The following VSIG10L2 variants were observed in gnomAD, a reference collection of about 807,000 sequenced individuals.
VSIG10L2 encodes the protein V-set and immunoglobulin domain-containing protein 10-like 2.
A neutral mutation model predicts 67.1 loss-of-function variants in VSIG10L2; 56 were observed. The observed-to-expected ratio is 0.83, with a 90% confidence interval of 0.67 to 1.04. VSIG10L2 has a LOEUF of 1.04. VSIG10L2 is among the 50% of genes least tolerant of loss of function. The pLI, the probability that VSIG10L2 is intolerant of heterozygous loss-of-function variation, is 0.00. For synonymous variants in VSIG10L2, 360 were observed against 396.6 expected (o/e 0.91, Z 1.10); for missense variants, 843 against 932.8 (o/e 0.90, Z 1.25).
At chr11:125,952,493 A>G (rs1945391266) in intron 6 of VSIG10L2, among the ~76,000 whole-genome samples, 1 of 152,232 alleles carries the variant, frequency 6.6e-6, no homozygotes, top group East Asian at 1.9e-4. Flanking sequence ...CAATTACTGC[A>G]CATCTCAATC....
intron 9 of VSIG10L2, 129 bp downstream of exon 9, chr11:125,955,308 C>A: frequency 1.6e-6 from 2 of 1,282,818 alleles, no homozygotes; most frequent in Non-Finnish European, 2.0e-6. Context: ...AGACCCTCTC[C>A]CCAGTGCTAG....
intron 4 of VSIG10L2, 150 bp downstream of exon 4, chr11:125,950,439 G>A: frequency 1.2e-6 from 1 of 801,578 alleles, no homozygotes; most frequent in Non-Finnish European, 1.7e-6. Flanking sequence ...CCAACCAAGT[G>A]GAGTTGGAGG....
In VSIG10L2 at chr11:125,950,138, T is replaced by C. The variant is rs1051085130; in HGVS notation, c.834T>C (p.Tyr278=). The C allele has an allele frequency of 1.6e-5, 20 of 1,232,226 alleles. No homozygotes were observed. The East Asian group carries it at 4.7e-4, about 29-fold the overall frequency. 76.3% of individuals were successfully genotyped at this position (1,232,226 alleles called of 1,614,324 possible). A position where few individuals can be genotyped will look rare whatever the true frequency, so the allele number is the denominator to read the frequency against. ...CTGCCTCCAACCCACCTAGTCACTA[T>C]GTGTGGCTCCGTGACCACACGCAAG... ...CLAASNPPSH[Y]VWLRDHTQVH... The change falls in exon 4 of 12, where the codon TAT becomes TAC. Residue 278 remains tyrosine, a synonymous_variant. Transcript: ENST00000686984.
intron 1 of VSIG10L2, chr11:125,947,280 G>A (rs545755569): frequency 4.5e-5 from 13 of 290,590 alleles, no homozygotes; most frequent in African/African-American, 1.6e-4. Context: ...CCATCGTCAC[G>A]GGACTGATCA....
intron 3 of VSIG10L2, among the ~76,000 whole-genome samples, chr11:125,948,912 C>T (rs1041759511): frequency 6.6e-6 from 1 of 152,226 alleles, no homozygotes; most frequent in African/African-American, 2.4e-5. Flanking sequence ...ACCAACAGGA[C>T]CCCAGGAGAC....
rs2134305091 is a variant in VSIG10L2, at chr11:125,951,819, C to T, written c.1241C>T (p.Pro414Leu). The T allele has an allele frequency of 2.0e-6, 3 of 1,500,724 alleles. No homozygotes were observed. The highest frequency in any genetic ancestry group is 2.2e-4 in the Middle Eastern group (1 of 4,492). 93.0% of individuals were successfully genotyped at this position (1,500,724 alleles called of 1,614,324 possible). The change falls in exon 6 of 12, where the codon CCT becomes CTT. Residue 414 changes from proline to leucine, a missense_variant. Pro to Leu is a moderately conservative substitution (Grantham distance 98, BLOSUM62 -3). Coordinates refer to ENST00000686984, the MANE Select transcript of VSIG10L2 (RefSeq NM_001365077.2). ...PALCTVMLWE[P>L]LGRPTCWSTA... ...GAGCCATCATTCCTTCCAGGGGAGC[C>T]TCTCGGGAGGCCTACCTGCTGGAGC...
chr11:125,952,812 C>T (rs2155803), intron 6 of VSIG10L2, among the ~76,000 whole-genome samples: 40,645 of 152,168 alleles, frequency 0.27, 5,613 homozygotes, highest in Non-Finnish European at 0.3. Flanking sequence ...AGCTGTCACA[C>T]ACAACAGTTC....
rs1409781399 is a variant in VSIG10L2, at chr11:125,952,969, T to C, written c.1496-431T>C. Among the ~76,000 whole-genome samples the C allele has an allele frequency of 2.6e-5, 4 of 152,166 alleles. No individual in the cohort carries two copies. In the East Asian group the frequency reaches 7.7e-4, roughly 29 times the overall value. On this transcript the variant is annotated intron_variant, in intron 6 of 11. Coordinates refer to ENST00000686984, the MANE Select transcript of VSIG10L2 (RefSeq NM_001365077.2). Reference sequence around the variant, plus strand: ...CCATCGTAGGAGATTCATTGACACCTGAGAGTCTGGGTCTTTAATAAGTCA... The same window carrying C: ...CCATCGTAGGAGATTCATTGACACCCGAGAGTCTGGGTCTTTAATAAGTCA...
intron 7 of VSIG10L2, 25 bp downstream of exon 7, chr11:125,953,715 G>A (rs1167050912): frequency 2.4e-6 from 3 of 1,232,002 alleles, no homozygotes; most frequent in African/African-American, 1.6e-5. Context: ...GAATGCGTGT[G>A]TGTGGTGAGG....
At chr11:125,947,659 G>A in intron 1 of VSIG10L2, 27 bp from the exon 2 acceptor site, 3 of 1,232,392 alleles carry the variant, frequency 2.4e-6, no homozygotes, top group Non-Finnish European at 3.0e-6. Context: ...CAGCCCAGAA[G>A]TCCTGCTATG....
At chr11:125,954,469 C>A in intron 8 of VSIG10L2, 86 bp downstream of exon 8, 1 of 1,126,206 alleles carries the variant, frequency 8.9e-7, no homozygotes, top group Non-Finnish European at 1.1e-6. Context: ...GCATCCCCTC[C>A]TCTCTTCCTT....
At position 125,954,246 on chromosome 11, in the gene VSIG10L2, A is replaced by C; in HGVS notation, c.1946A>C (p.Glu649Ala). The change falls in exon 8 of 12, where the codon GAG becomes GCG. Residue 649 changes from glutamate to alanine, a missense_variant. By Grantham distance (107) the Glu-to-Ala change is moderately radical (BLOSUM62 -1). This residue lies in a region of VSIG10L2 where 397 missense variants were observed against 384.4 expected (regional missense o/e 1.03). Coordinates refer to ENST00000686984, the MANE Select transcript of VSIG10L2 (RefSeq NM_001365077.2). ...CTGGGCCCAGGAGCTGGGGCGTGGG[A>C]GACAGCAGCTAGTGACATCGAGCCA... is the stretch of plus-strand genomic sequence containing the variant. ...SALGPGAGAWETAASDIEPES... is the reference protein window; with the variant it reads ...SALGPGAGAWATAASDIEPES... 8.1e-7 allele frequency: 1 copy of C among 1,232,196 alleles called. No homozygotes were observed. Among genetic ancestry groups the C allele is most frequent in the Non-Finnish European group, 1.0e-6 (1 of 988,038 alleles). The allele number at this position is 1,232,196 out of a possible 1,614,324, so 76.3% of individuals were successfully genotyped here. A position where few individuals can be genotyped will look rare whatever the true frequency, so the allele number is the denominator to read the frequency against.
At position 125,947,119 on chromosome 11, in the gene VSIG10L2, A is replaced by C. The variant is rs117762546; in HGVS notation, c.83-567A>C. 3.8e-3 allele frequency among the ~76,000 whole-genome samples: 581 copies of C among 152,188 alleles called. 1 individual carries two copies. Among genetic ancestry groups the C allele is most frequent in the Non-Finnish European group, 6.4e-3 (436 of 68,000 alleles). ...CTATGCTTAGTTGAACGAATGCTGGATGGGCTGATGCGGGCGGTGTCCTCT... is the reference window on the plus strand; with the variant it reads ...CTATGCTTAGTTGAACGAATGCTGGCTGGGCTGATGCGGGCGGTGTCCTCT... On this transcript the variant is annotated intron_variant, in intron 1 of 11. Transcript: ENST00000686984.
intron 3 of VSIG10L2, among the ~76,000 whole-genome samples, chr11:125,949,392 G>A (rs1220654572): frequency 1.3e-5 from 2 of 152,182 alleles, no homozygotes; most frequent in Non-Finnish European, 2.9e-5. Flanking sequence ...GAGGACGAAT[G>A]GCGTCCTATT....
intron 5 of VSIG10L2, 45 bp downstream of exon 5, chr11:125,951,203 AGT>A: frequency 8.1e-7 from 1 of 1,232,484 alleles, no homozygotes; most frequent in Non-Finnish European, 1.0e-6. Flanking sequence ...TTCCAGGCAG[AGT>A]GTGGGTAGAG....
At position 125,948,008 on chromosome 11, in the gene VSIG10L2, C is replaced by T. The variant is rs1945319362; in HGVS notation, c.405C>T (p.Ala135=). ...TGGCTGGCGGCCAGCTCCACGCTGC[C>T]TACTCCCACCTCACGCTGGCTGTGC... is the stretch of plus-strand genomic sequence containing the variant. ...LHVAGGQLHA[A]YSHLTLAVLV... Residue 135 remains alanine, a synonymous_variant, in exon 2 of 12, where the codon GCC becomes GCT. Transcript: ENST00000686984. 1 of 1,232,210 alleles carries T rather than the reference C, an allele frequency of 8.1e-7. No homozygotes were observed. The highest frequency in any genetic ancestry group is 1.6e-5 in the African/African-American group (1 of 64,434). 76.3% of individuals were successfully genotyped at this position (1,232,210 alleles called of 1,614,324 possible).
At position 125,952,962 on chromosome 11, in the gene VSIG10L2, T is replaced by C. The variant is rs1042285815; in HGVS notation, c.1496-438T>C. 8.5e-5 allele frequency among the ~76,000 whole-genome samples: 13 copies of C among 152,312 alleles called. No homozygotes were observed. The East Asian group carries it at 1.7e-3, about 20-fold the overall frequency. On this transcript the variant is annotated intron_variant, in intron 6 of 11. Transcript: ENST00000686984. ...GGAAATTCCATCGTAGGAGATTCAT[T>C]GACACCTGAGAGTCTGGGTCTTTAA...
At chr11:125,955,272 G>A in intron 9 of VSIG10L2, 93 bp downstream of exon 9, 1 of 1,301,348 alleles carries the variant, frequency 7.7e-7, no homozygotes. Flanking sequence ...TCCCGGGGGA[G>A]AAGAATCTAG....
chr11:125,947,601 C>A (rs1341264063), intron 1 of VSIG10L2, 85 bp from the exon 2 acceptor site: 3 of 1,231,476 alleles, frequency 2.4e-6, no homozygotes, highest in African/African-American at 1.6e-5. Flanking sequence ...ACTGCAGAAC[C>A]AAAAAGAGAG....
Sources: allele counts gnomAD v4.1 joint callset (sites outside exome capture counted in the v4.1 genomes callset), GRCh38; gene constraint gnomAD v4.1.1; regional missense constraint gnomAD v4.1.1; transcripts MANE v1.5; gene names NCBI Gene and HGNC (gene_info 2026-07-23, HGNC 2026-07-21).